Variants in FNDC3B observed in about 807,000 individuals in gnomAD.
The protein encoded by FNDC3B is fibronectin type III domain-containing protein 3B.
Under a neutral mutation model 151.5 loss-of-function variants are expected in FNDC3B, and 12 were observed. That is an observed-to-expected ratio of 0.08 (90% CI 0.05 to 0.13). FNDC3B has a LOEUF of 0.13. Ranked by LOEUF, FNDC3B falls within the 10% of genes least tolerant of loss-of-function variation. The pLI, the probability that FNDC3B is intolerant of heterozygous loss-of-function variation, is 1.00. For missense variants in FNDC3B, 1,214 were observed against 1,505.3 expected (o/e 0.81, Z 3.20); for synonymous variants, 528 against 549.0 (o/e 0.96, Z 0.54).
intron 5 of FNDC3B, among the ~76,000 whole-genome samples, chr3:172,250,078 A>G (rs1483158765): frequency 1.3e-5 from 2 of 152,288 alleles, no homozygotes; most frequent in Admixed American, 6.5e-5. Flanking sequence ...TAAGGACCCA[A>G]TCTTTATGTT....
chr3:172,156,712 T>G (rs530222261), intron 3 of FNDC3B, among the ~76,000 whole-genome samples: 4 of 131,506 alleles, frequency 3.0e-5, no homozygotes, highest in Non-Finnish European at 5.1e-5. Flanking sequence ...TTTTTTTTTT[T>G]CCCCACTGTC....
intron 3 of FNDC3B, among the ~76,000 whole-genome samples, chr3:172,133,949 G>T (rs1471433298): frequency 6.6e-6 from 1 of 152,156 alleles, no homozygotes; most frequent in African/African-American, 2.4e-5. Context: ...AGGGCAAGAG[G>T]GAGCTAGTAG....
chr3:172,179,978 A>G (rs1331207327), intron 3 of FNDC3B, among the ~76,000 whole-genome samples: 1 of 151,388 alleles, frequency 6.6e-6, no homozygotes, highest in Non-Finnish European at 1.5e-5. Context: ...GGGTTTTTAC[A>G]TTTCACAGTT....
chr3:172,347,315 A>G lies in FNDC3B; in HGVS notation c.2468A>G (p.Glu823Gly). The G allele has an allele frequency of 6.2e-7, 1 of 1,614,048 alleles. No individual in the cohort carries two copies. The highest frequency in any genetic ancestry group is 1.1e-5 in the South Asian group (1 of 91,080). ...LIYHGTDTRF[E>G]IRDLLPAAQY... The stretch of plus-strand genomic sequence containing the variant: ...TATCATGGGACAGACACCCGTTTTG[A>G]AATAAGAGACCTGTTGCCTGCTGCA... Residue 823 changes from glutamate (E) to glycine (G), a missense_variant, in exon 21 of 26, where the codon GAA (glutamate) becomes GGA (glycine). Glu to Gly is a moderately conservative substitution (Grantham distance 98, BLOSUM62 -2). Around this residue, in one of 7 missense-constraint regions of FNDC3B, gnomAD observed 380 missense variants for 420.9 expected, o/e 0.90. Transcript: ENST00000415807.
At chr3:172,373,175 G>A (rs1734962488) in intron 23 of FNDC3B, among the ~76,000 whole-genome samples, 1 of 152,136 alleles carries the variant, frequency 6.6e-6, no homozygotes, top group Non-Finnish European at 1.5e-5. Flanking sequence ...AGGTATTGAG[G>A]GCTTAGTGAG....
chr3:172,334,735 C>T (rs1428410443), intron 14 of FNDC3B, among the ~76,000 whole-genome samples: 1 of 152,194 alleles, frequency 6.6e-6, no homozygotes, highest in Non-Finnish European at 1.5e-5. Context: ...AGCCACTGTG[C>T]TGGCTGGTTT....
intron 1 of FNDC3B, among the ~76,000 whole-genome samples, chr3:172,041,428 TCC>T (rs1716060597): frequency 8.9e-6 from 1 of 112,066 alleles, no homozygotes; most frequent in African/African-American, 4.7e-5. Flanking sequence ...CTTCCTTCCT[TCC>T]TTCCTTCCTT....
intron 3 of FNDC3B, among the ~76,000 whole-genome samples, chr3:172,173,645 A>T (rs1012370794): frequency 6.6e-6 from 1 of 151,344 alleles, no homozygotes; most frequent in Non-Finnish European, 1.5e-5. Context: ...AAAAAAAAAA[A>T]ATTAAAAAAA....
At chr3:172,097,519 A>G (rs1416772553) in intron 1 of FNDC3B, among the ~76,000 whole-genome samples, 1 of 152,254 alleles carries the variant, frequency 6.6e-6, no homozygotes, top group Non-Finnish European at 1.5e-5. Flanking sequence ...TGTTTTCTTA[A>G]AAAAGTTAAC....
intron 6 of FNDC3B, among the ~76,000 whole-genome samples, chr3:172,266,891 C>T (rs1030485274): frequency 1.3e-5 from 2 of 152,240 alleles, no homozygotes; most frequent in African/African-American, 4.8e-5. Flanking sequence ...ACAACCACCA[C>T]AGTCTCCTTC....
At chr3:172,177,500 A>C (rs530366336) in intron 3 of FNDC3B, among the ~76,000 whole-genome samples, 1 of 152,270 alleles carries the variant, frequency 6.6e-6, no homozygotes, top group East Asian at 1.9e-4. Context: ...GGATTCTCAA[A>C]CATCTGTCTT....
chr3:172,046,756 G>A (rs2108452889), intron 1 of FNDC3B, among the ~76,000 whole-genome samples: 1 of 152,268 alleles, frequency 6.6e-6, no homozygotes, highest in South Asian at 2.1e-4. Flanking sequence ...ATCAAAGTGT[G>A]TCTTGTGTTA....
At chr3:172,208,969 C>G (rs1455528012) in intron 3 of FNDC3B, among the ~76,000 whole-genome samples, 1 of 152,150 alleles carries the variant, frequency 6.6e-6, no homozygotes, top group East Asian at 1.9e-4. Flanking sequence ...GAGGGGAACA[C>G]AGTGGCGCCT....
chr3:172,368,437 G>T (rs1214130859), intron 23 of FNDC3B, among the ~76,000 whole-genome samples: 1 of 152,182 alleles, frequency 6.6e-6, no homozygotes, highest in Non-Finnish European at 1.5e-5. Flanking sequence ...AGGCCCTTAA[G>T]AAACCCTCAG....
chr3:172,196,003 G>A (rs1724802503), intron 3 of FNDC3B, among the ~76,000 whole-genome samples: 1 of 152,166 alleles, frequency 6.6e-6, no homozygotes, highest in Non-Finnish European at 1.5e-5. Context: ...CTTAATGTGA[G>A]CCTTTGTAAA....
chr3:172,137,542 G>T (rs899566780), intron 3 of FNDC3B, among the ~76,000 whole-genome samples: 2 of 152,158 alleles, frequency 1.3e-5, no homozygotes, highest in Non-Finnish European at 2.9e-5. Context: ...TGTAGTCCCA[G>T]CTGCTCAGAA....
rs146727949 is a variant in FNDC3B at position 172,160,546 on chromosome 3, G to A, written c.187+27000G>A. Among the ~76,000 whole-genome samples, 1,408 of 152,320 alleles carry A rather than the reference G, an allele frequency of 9.2e-3. 7 individuals are homozygous for A. Among genetic ancestry groups the A allele is most frequent in the Non-Finnish European group, 0.014 (940 of 68,042 alleles). ...TGCTTTCCGAATTTCACTAATATTG[G>A]CCAGCTCCTTTTAGAGTTGCCCTGG... On this transcript the variant is annotated intron_variant, in intron 3 of 25. Transcript: ENST00000415807.
chr3:172,050,700 CG>C (rs1716598700), intron 1 of FNDC3B, among the ~76,000 whole-genome samples: 2 of 144,994 alleles, frequency 1.4e-5, no homozygotes, highest in Admixed American at 1.4e-4. Flanking sequence ...GGTATATTTT[CG>C]TGTGTGTGTG....
At chr3:172,378,819 A>C (rs1049540188) in intron 24 of FNDC3B, among the ~76,000 whole-genome samples, 23 of 152,100 alleles carry the variant, frequency 1.5e-4, no homozygotes, top group African/African-American at 4.6e-4. Flanking sequence ...GACTTAGGCA[A>C]CTTCAGCAGC....
Sources: gnomAD v4.1 joint callset for allele counts (sites outside exome capture counted in the v4.1 genomes callset) on GRCh38, gnomAD v4.1.1 for gene constraint, gnomAD v4.1.1 regional missense constraint, MANE v1.5 for transcripts, NCBI Gene and HGNC (gene_info 2026-07-23, HGNC 2026-07-21) for gene names.